The following PCDHGB3 variants were observed in gnomAD, a reference collection of about 807,000 sequenced individuals.
The protein encoded by PCDHGB3 is protocadherin gamma subfamily B, 3.
In PCDHGB3, 40 loss-of-function variants were observed where a neutral mutation model predicts 59.2. That is an observed-to-expected ratio of 0.68 (90% CI 0.52 to 0.88). PCDHGB3 has a LOEUF of 0.88. Among genes scored for constraint, PCDHGB3 ranks in the 40% least tolerant of loss-of-function variants. PCDHGB3 has a pLI of 0.00. For synonymous variants in PCDHGB3, 581 were observed against 503.6 expected (o/e 1.15, Z -2.06); for missense variants, 1,309 against 1,187.9 (o/e 1.10, Z -1.50).
chr5:141,389,888 G>A, intron 1 of PCDHGB3: 1 of 1,614,086 alleles, frequency 6.2e-7, no homozygotes, highest in Non-Finnish European at 8.5e-7. Context: ...GCTTGCAGGA[G>A]GTGCTGCCGG....
intron 1 of PCDHGB3, chr5:141,390,140 A>G (rs747174609): frequency 3.5e-5 from 57 of 1,613,798 alleles, no homozygotes; most frequent in Middle Eastern, 1.6e-4. Context: ...CCTACAATCT[A>G]TGTGTTGCAC....
At chr5:141,418,594 C>A in intron 1 of PCDHGB3, 4 of 1,614,022 alleles carry the variant, frequency 2.5e-6, no homozygotes, top group Non-Finnish European at 3.4e-6. Context: ...TCAGCCAGGA[C>A]GTGTACAGGG....
intron 1 of PCDHGB3, chr5:141,423,625 A>G (rs375112361): frequency 1.6e-5 from 25 of 1,606,754 alleles, no homozygotes; most frequent in Admixed American, 6.8e-5. Flanking sequence ...AGACTCAGCT[A>G]TCATTTTAGG....
chr5:141,420,199 C>T (rs764130526), intron 1 of PCDHGB3: 12 of 1,613,362 alleles, frequency 7.4e-6, no homozygotes, highest in Non-Finnish European at 1.0e-5. Context: ...CACAAGATAA[C>T]CTCAACAAAG....
chr5:141,412,975 C>G (rs1221821871), intron 1 of PCDHGB3: 3 of 532,642 alleles, frequency 5.6e-6, no homozygotes, highest in Non-Finnish European at 9.7e-6. Flanking sequence ...AGAGAAAACG[C>G]AGCCAGAGCT....
chr5:141,415,740 G>GTTTTTTTTTTTTTTTTTTTT (rs57426385), intron 1 of PCDHGB3: 5 of 625,024 alleles, frequency 8.0e-6, no homozygotes, highest in African/African-American at 5.0e-5. Flanking sequence ...GTTTATTAAG[G>GTTTTTTTTTTTTTTTTTTTT]TTTTTTTTTT....
chr5:141,483,303 T>A (rs1222660132), intron 1 of PCDHGB3, among the ~76,000 whole-genome samples: 1 of 152,146 alleles, frequency 6.6e-6, no homozygotes, highest in Non-Finnish European at 1.5e-5. Context: ...GTGAAGGGAC[T>A]GGGGACATTG....
intron 2 of PCDHGB3, among the ~76,000 whole-genome samples, chr5:141,503,963 C>T (rs900066192): frequency 7.2e-5 from 11 of 152,188 alleles, no homozygotes; most frequent in Admixed American, 6.5e-4. Flanking sequence ...ACAGCCTTTC[C>T]CATGGTGCCA....
At chr5:141,405,231 C>T in intron 1 of PCDHGB3, 2 of 1,614,130 alleles carry the variant, frequency 1.2e-6, no homozygotes, top group Non-Finnish European at 1.7e-6. Flanking sequence ...TTCTCCCTCA[C>T]CGCTGACTCA....
chr5:141,495,221 G>A lies in PCDHGB3; in HGVS notation c.2474+356G>A, dbSNP rs376660961. On this transcript the variant is annotated intron_variant, in intron 2 of 3. Coordinates refer to ENST00000576222, the MANE Select transcript of PCDHGB3 (RefSeq NM_018924.5). ...ACTGCCTAACCCCCTCCCCTGAGTT[G>A]AGCTGGGCTCCATTATGACCTGGGG... Among the ~76,000 whole-genome samples, 26 of 152,300 alleles carry A rather than the reference G, an allele frequency of 1.7e-4. 1 individual carries two copies. The East Asian group carries it at 4.4e-3, about 26-fold the overall frequency.
intron 1 of PCDHGB3, among the ~76,000 whole-genome samples, chr5:141,453,357 C>T (rs1027586816): frequency 1.3e-5 from 2 of 152,002 alleles, no homozygotes; most frequent in Admixed American, 6.6e-5. Flanking sequence ...TGACCCTGAA[C>T]TCCTGGGGTC....
In PCDHGB3 at chr5:141,486,194, C is replaced by A. The variant is rs1248456800; in HGVS notation, c.2416-8613C>A. The A allele has an allele frequency of 6.2e-7, 1 of 1,614,196 alleles. No individual in the cohort carries two copies. Among genetic ancestry groups the A allele is most frequent in the Non-Finnish European group, 8.5e-7 (1 of 1,180,026 alleles). ...ACATTGCAGCCTTCGAGTGGATCTG[C>A]TGGACGTAAATGACAATGCCCCTTA... On this transcript the variant is annotated intron_variant, in intron 1 of 3. Transcript: ENST00000576222. The surrounding 1 kb of genome is among the most constrained non-coding windows in gnomAD (Gnocchi z 5.0).
At chr5:141,390,204 G>A in intron 1 of PCDHGB3, 1 of 1,614,036 alleles carries the variant, frequency 6.2e-7, no homozygotes, top group Non-Finnish European at 8.5e-7. Flanking sequence ...GTTGAGTTCA[G>A]GACAAGACAT....
At position 141,480,524 on chromosome 5, in the gene PCDHGB3, AAAG is replaced by A. The variant is rs1342230573; in HGVS notation, c.2416-14282_2416-14280del. Among the ~76,000 whole-genome samples, 4 of 127,792 alleles carry A rather than the reference AAAG, an allele frequency of 3.1e-5. No homozygotes were observed. The East Asian group carries it at 7.7e-4, about 25-fold the overall frequency. 83.8% of individuals were successfully genotyped at this position (127,792 alleles called of 152,430 possible). On this transcript the variant is annotated intron_variant, in intron 1 of 3. Transcript: ENST00000576222. Reference sequence around the variant, plus strand: ...ACATATGAGAACAACCAAAAATGACAAAGTAGAAGCACATATGAAAAGGCTAAG... The same window carrying A: ...ACATATGAGAACAACCAAAAATGACATAGAAGCACATATGAAAAGGCTAAG...
intron 1 of PCDHGB3, chr5:141,415,677 C>T (rs375781400): frequency 4.7e-6 from 7 of 1,499,248 alleles, no homozygotes; most frequent in Middle Eastern, 1.8e-4. Flanking sequence ...TTGAAGTTTG[C>T]GGCATGATGG....
At chr5:141,474,002 G>A (rs1020912365) in intron 1 of PCDHGB3, among the ~76,000 whole-genome samples, 5 of 152,078 alleles carry the variant, frequency 3.3e-5, no homozygotes, top group Non-Finnish European at 5.9e-5. Context: ...CCAAGGAGCT[G>A]GAAGTTACAG....
At chr5:141,383,161 G>T (rs774337554) in intron 1 of PCDHGB3, 1 of 1,614,052 alleles carries the variant, frequency 6.2e-7, no homozygotes, top group East Asian at 2.2e-5. Flanking sequence ...GGTCACTGCG[G>T]GCAGGATAGA....
At position 141,476,001 on chromosome 5, in the gene PCDHGB3, C is replaced by G; in HGVS notation, c.2416-18806C>G. The G allele has an allele frequency of 8.1e-7, 1 of 1,235,348 alleles. No homozygotes were observed. Among genetic ancestry groups the G allele is most frequent in the Non-Finnish European group, 1.1e-6 (1 of 894,008 alleles). 76.5% of individuals were successfully genotyped at this position (1,235,348 alleles called of 1,614,324 possible). On this transcript the variant is annotated intron_variant, in intron 1 of 3. Transcript: ENST00000576222. The surrounding 1 kb of genome is among the most constrained non-coding windows in gnomAD (Gnocchi z 7.6). ...CAGCCGGCGAGCAAATCAACGGCATCCAGAAAGCCATGTCGGACTCGGCGC... is the reference window on the plus strand; with the variant it reads ...CAGCCGGCGAGCAAATCAACGGCATGCAGAAAGCCATGTCGGACTCGGCGC...
chr5:141,419,350 G>A, intron 1 of PCDHGB3: 1 of 1,613,848 alleles, frequency 6.2e-7, no homozygotes, highest in Non-Finnish European at 8.5e-7. Context: ...GCGACCTGGA[G>A]TCACGAACGC....
Sources: gnomAD v4.1 joint callset for allele counts (sites outside exome capture counted in the v4.1 genomes callset) on GRCh38, gnomAD v4.1.1 for gene constraint, Gnocchi (gnomAD v3.1) non-coding constraint, MANE v1.5 for transcripts, NCBI Gene and HGNC (gene_info 2026-07-23, HGNC 2026-07-21) for gene names.